The following STRN variants were observed in gnomAD, a reference collection of about 807,000 sequenced individuals.
The protein encoded by STRN is striatin, also known as protein phosphatase 2 regulatory subunit B'''alpha.
STRN carries 53 observed loss-of-function variants against 96.3 expected under a neutral mutation model. The observed-to-expected ratio is 0.55, with a 90% confidence interval of 0.44 to 0.69. The LOEUF (loss-of-function observed/expected upper bound fraction) is 0.69. STRN is among the 30% of genes least tolerant of loss of function. STRN has a pLI of 0.00. For synonymous variants in STRN, 428 were observed against 355.9 expected, an observed-to-expected ratio of 1.20 and a Z score of -2.28; for missense variants, 987 against 963.9, an observed-to-expected ratio of 1.02 and a Z score of -0.32.
chr2:36,867,931 A>C lies in STRN; in HGVS notation c.1500-70T>G, dbSNP rs1297004384. The C allele has an allele frequency of 8.8e-6, 11 of 1,257,012 alleles. No homozygotes were observed. The South Asian group carries it at 1.2e-4, about 14-fold the overall frequency. The allele number at this position is 1,257,012 out of a possible 1,614,324, so 77.9% of individuals were successfully genotyped here. On this transcript the variant is annotated intron_variant, in intron 11 of 17. Transcript: ENST00000263918. The stretch of plus-strand genomic sequence containing the variant: ...CAGTATAATTAAACATATGTCATAA[A>C]ATTGTCTTTAAAAATACAAACATTA...
intron 2 of STRN, among the ~76,000 whole-genome samples, chr2:36,921,001 G>A (rs547088831): frequency 6.6e-6 from 1 of 151,978 alleles, no homozygotes; most frequent in East Asian, 1.9e-4. Flanking sequence ...CTTGAACCCA[G>A]GAGGCAGAGG....
Position 36,857,981 on chromosome 2 carries a change from G to A in STRN, c.1712C>T (p.Ala571Val), listed in dbSNP as rs931012560. The A allele has an allele frequency of 6.2e-7, 1 of 1,612,158 alleles. No individual in the cohort carries two copies. Among genetic ancestry groups the A allele is most frequent in the Non-Finnish European group, 8.5e-7 (1 of 1,178,934 alleles). Residue 571 changes from alanine (A) to valine (V), a missense_variant, in exon 14 of 18, where the codon GCA becomes GTA. Physicochemically the swap from Ala to Val is moderately conservative, Grantham distance 64. Coordinates refer to ENST00000263918, the MANE Select transcript of STRN (RefSeq NM_003162.4). ...TGCACTATAAGCCAAACCCCAGACT[G>A]CATCCGTGTGGCCTAGCAGAGGGCC... ...LRGPLLGHTD[A>V]VWGLAYSAAH...
intron 10 of STRN, among the ~76,000 whole-genome samples, chr2:36,872,507 C>T (rs1295867313): frequency 6.6e-6 from 1 of 152,150 alleles, no homozygotes; most frequent in Non-Finnish European, 1.5e-5. Context: ...TATTCCTGAC[C>T]CACAGAAACT....
At chr2:36,860,449 T>C (rs926866005) in intron 13 of STRN, among the ~76,000 whole-genome samples, 1 of 152,206 alleles carries the variant, frequency 6.6e-6, no homozygotes, top group African/African-American at 2.4e-5. Flanking sequence ...TTCTTATCCT[T>C]ACTCTGGTTT....
intron 10 of STRN, among the ~76,000 whole-genome samples, chr2:36,870,886 G>T (rs1053629219): frequency 6.6e-6 from 1 of 152,162 alleles, no homozygotes; most frequent in African/African-American, 2.4e-5. Flanking sequence ...AAGATGTGGA[G>T]GTAGAAGAGA....
chr2:36,900,683 G>T (rs1161723933), intron 5 of STRN, among the ~76,000 whole-genome samples: 2 of 152,104 alleles, frequency 1.3e-5, no homozygotes, highest in Non-Finnish European at 2.9e-5. Flanking sequence ...GAGGTCAAGA[G>T]ATTGAGACCA....
Position 36,850,991 on chromosome 2 carries a change from A to C in STRN, c.2086+9T>G, listed in dbSNP as rs369776571. The C allele has an allele frequency of 1.3e-6, 2 of 1,559,186 alleles. No homozygotes were observed. Among genetic ancestry groups the C allele is most frequent in the African/African-American group, 2.8e-5 (2 of 71,590 alleles). Reference sequence around the variant, plus strand: ...CTTTAATAAAAATCAATTCTTAATAAATTCTTACCTGTATTGTTATCATAG... The same window carrying C: ...CTTTAATAAAAATCAATTCTTAATACATTCTTACCTGTATTGTTATCATAG... On this transcript the variant is annotated intron_variant, in intron 16 of 17. Transcript: ENST00000263918.
At chr2:36,865,362 C>CT (rs1313111775) in intron 12 of STRN, among the ~76,000 whole-genome samples, 3 of 152,040 alleles carry the variant, frequency 2.0e-5, no homozygotes, top group African/African-American at 7.2e-5. Context: ...TGGATCTTCT[C>CT]TTTTTTTCTT....
At chr2:36,893,476 A>C (rs1669455496) in intron 7 of STRN, among the ~76,000 whole-genome samples, 1 of 152,180 alleles carries the variant, frequency 6.6e-6, no homozygotes, top group South Asian at 2.1e-4. Flanking sequence ...CCTTTTACGA[A>C]CTGTCAAATC....
chr2:36,950,917 G>A (rs1664737755), intron 1 of STRN, among the ~76,000 whole-genome samples: 1 of 152,076 alleles, frequency 6.6e-6, no homozygotes, highest in South Asian at 2.1e-4. Flanking sequence ...CCAGATAATT[G>A]AGGCATTTAT....
At chr2:36,933,177 C>A (rs1014114255) in intron 1 of STRN, among the ~76,000 whole-genome samples, 4 of 151,772 alleles carry the variant, frequency 2.6e-5, no homozygotes, top group South Asian at 2.1e-4. Flanking sequence ...ACAATAAATA[C>A]AAAATTTTAA....
Position 36,944,670 on chromosome 2 carries a change from C to T in STRN, c.235-19462G>A, listed in dbSNP as rs1670934812. 3.9e-5 allele frequency among the ~76,000 whole-genome samples: 6 copies of T among 152,028 alleles called. No homozygotes were observed. The South Asian group carries it at 1.2e-3, about 32-fold the overall frequency. On this transcript the variant is annotated intron_variant, in intron 1 of 17. Coordinates refer to ENST00000263918, the MANE Select transcript of STRN (RefSeq NM_003162.4). The stretch of plus-strand genomic sequence containing the variant: ...ATAGAACAAAAAAAGAAAACTGTTC[C>T]TATTTGTAAATATACATAGCAGAAG...
At chr2:36,896,764 G>T (rs1377215426) in intron 6 of STRN, among the ~76,000 whole-genome samples, 4 of 152,170 alleles carry the variant, frequency 2.6e-5, no homozygotes, top group African/African-American at 9.7e-5. Context: ...TGCTGCTGCA[G>T]AAGTTAGGCT....
At chr2:36,890,271 G>A (rs1669353272) in intron 7 of STRN, among the ~76,000 whole-genome samples, 1 of 152,004 alleles carries the variant, frequency 6.6e-6, no homozygotes. Flanking sequence ...CCAGTCACTA[G>A]GTACCCACTG....
intron 3 of STRN, among the ~76,000 whole-genome samples, chr2:36,911,212 T>G (rs1051078763): frequency 1.3e-5 from 2 of 152,208 alleles, no homozygotes; most frequent in African/African-American, 4.8e-5. Flanking sequence ...AATATGCATG[T>G]AGGAGATCCA....
At position 36,838,611 on chromosome 2, in the gene STRN, T is replaced by G. The variant is rs904368727; in HGVS notation, c.*10845A>C. ...ATTAAGGGAAAAGTGTTTTTATACA[T>G]TTACTGATGGAAATAAAAACTGTTC... On this transcript the variant is annotated 3_prime_UTR_variant, in exon 18 of 18. Coordinates refer to ENST00000263918, the MANE Select transcript of STRN (RefSeq NM_003162.4). 6.6e-6 allele frequency among the ~76,000 whole-genome samples: 1 copy of G among 152,172 alleles called. No homozygotes were observed. The highest frequency in any genetic ancestry group is 1.5e-5 in the Non-Finnish European group (1 of 68,038).
Position 36,846,405 on chromosome 2 carries a change from A to ATATATATAT in STRN, c.*3042_*3050dup, listed in dbSNP as rs1668077167. On this transcript the variant is annotated 3_prime_UTR_variant, in exon 18 of 18. Coordinates refer to ENST00000263918, the MANE Select transcript of STRN (RefSeq NM_003162.4). ...CTATGGTTTATATATATATATATAT[A>ATATATATAT]TATATATATATATATATATATATAG... 7.7e-6 allele frequency: 1 copy of ATATATATAT among 129,762 alleles called. No homozygotes were observed. Among genetic ancestry groups the ATATATATAT allele is most frequent in the Non-Finnish European group, 1.6e-5 (1 of 61,720 alleles). The allele number at this position is 129,762 out of a possible 1,614,324, so 8.0% of individuals were successfully genotyped here.
At chr2:36,954,473 T>C (rs998554209) in intron 1 of STRN, among the ~76,000 whole-genome samples, 2 of 147,448 alleles carry the variant, frequency 1.4e-5, no homozygotes, top group Admixed American at 6.8e-5. Context: ...GATTACACCA[T>C]TGTACTCCAG....
chr2:36,903,881 T>A (rs577515112), intron 4 of STRN, among the ~76,000 whole-genome samples: 1 of 152,330 alleles, frequency 6.6e-6, no homozygotes, highest in East Asian at 1.9e-4. Context: ...TATTTTTCCA[T>A]TTTTAACAAA....
Sources: allele counts gnomAD v4.1 joint callset (sites outside exome capture counted in the v4.1 genomes callset), GRCh38; gene constraint gnomAD v4.1.1; transcripts MANE v1.5; gene names NCBI Gene and HGNC (gene_info 2026-07-23, HGNC 2026-07-21).